Variants in ADAMTS3 observed in about 807,000 individuals in gnomAD.
ADAMTS3 encodes the protein ADAM metallopeptidase with thrombospondin type 1 motif 3, also known as A disintegrin and metalloproteinase with thrombospondin motifs 3.
In ADAMTS3, 73 loss-of-function variants were observed where a neutral mutation model predicts 129.0. That is an observed-to-expected ratio of 0.57 (90% confidence interval 0.47 to 0.69). The LOEUF is 0.69. Among genes scored for constraint, ADAMTS3 ranks in the 30% least tolerant of loss-of-function variants. The pLI is 0.00. For missense variants in ADAMTS3, 1,457 were observed against 1,514.5 expected (o/e 0.96, Z 0.63); for synonymous variants, 477 against 510.8 (o/e 0.93, Z 0.89).
rs113996972 is a variant in ADAMTS3, at chr4:72,321,710, C to T, written c.946-840G>A. ...GAATATGAATTCTTCCATGAGTTGA[C>T]AAGGCTGATGAAATCTTAGTCTATG... is the stretch of plus-strand genomic sequence containing the variant. On this transcript the variant is annotated intron_variant, in intron 6 of 21. Coordinates refer to ENST00000286657, the MANE Select transcript of ADAMTS3 (RefSeq NM_014243.3). 4.7e-3 allele frequency among the ~76,000 whole-genome samples: 721 copies of T among 152,090 alleles called. 4 individuals carry two copies. Among genetic ancestry groups the T allele is most frequent in the African/African-American group, 0.017 (686 of 41,486 alleles).
intron 4 of ADAMTS3, among the ~76,000 whole-genome samples, chr4:72,377,514 T>A (rs988954607): frequency 2.0e-5 from 3 of 152,186 alleles, no homozygotes; most frequent in African/African-American, 7.2e-5. Context: ...GAAAGGCCTA[T>A]CTAGACGGCT....
intron 3 of ADAMTS3, among the ~76,000 whole-genome samples, chr4:72,515,354 A>G (rs1237278228): frequency 1.3e-5 from 2 of 151,550 alleles, no homozygotes; most frequent in Non-Finnish European, 2.9e-5. Flanking sequence ...TATACCCAGT[A>G]ATGGGATGGC....
At chr4:72,492,991 T>C (rs1719785949) in intron 3 of ADAMTS3, among the ~76,000 whole-genome samples, 1 of 151,986 alleles carries the variant, frequency 6.6e-6, no homozygotes, top group South Asian at 2.1e-4. Flanking sequence ...TCTTTTCCTC[T>C]AGATAAGGTT....
intron 4 of ADAMTS3, among the ~76,000 whole-genome samples, chr4:72,404,703 G>C (rs1275806836): frequency 2.6e-5 from 4 of 151,720 alleles, no homozygotes; most frequent in Admixed American, 1.3e-4. Context: ...AAATTAACAG[G>C]GTGAAAAGGA....
rs567517278 is a variant in ADAMTS3, at chr4:72,546,916, T to C, written c.504+1562A>G. Among the ~76,000 whole-genome samples the C allele has an allele frequency of 1.1e-3, 161 of 152,064 alleles. 3 individuals are homozygous for C. Among genetic ancestry groups the C allele is most frequent in the African/African-American group, 3.8e-3 (157 of 41,468 alleles). ...GACTTTCATTTCAAAGGTGTAGAAG[T>C]AGGGAGGAAAAGCACATCAACACCC... On this transcript the variant is annotated intron_variant, in intron 3 of 21. Transcript: ENST00000286657.
intron 3 of ADAMTS3, among the ~76,000 whole-genome samples, chr4:72,485,385 A>G (rs1185069693): frequency 6.6e-6 from 1 of 152,168 alleles, no homozygotes; most frequent in Non-Finnish European, 1.5e-5. Context: ...GAAGTGATAT[A>G]AATTTTTAAA....
chr4:72,298,526 C>G, intron 17 of ADAMTS3, 84 bp from the exon 18 acceptor site: 1 of 1,104,042 alleles, frequency 9.1e-7, no homozygotes, highest in Non-Finnish European at 1.3e-6. Flanking sequence ...CAGAATATTG[C>G]TCTTATTAAA....
chr4:72,471,230 T>C (rs2109994052), intron 3 of ADAMTS3, among the ~76,000 whole-genome samples: 1 of 152,312 alleles, frequency 6.6e-6, no homozygotes, highest in African/African-American at 2.4e-5. Context: ...GTACTTGTTA[T>C]CTGCCACTGT....
chr4:72,509,145 T>C (rs932523954), intron 3 of ADAMTS3, among the ~76,000 whole-genome samples: 4 of 151,920 alleles, frequency 2.6e-5, no homozygotes, highest in African/African-American at 9.7e-5. Context: ...GGGAAATTTA[T>C]AGCTATAAGT....
chr4:72,518,245 C>G (rs1473320705), intron 3 of ADAMTS3, among the ~76,000 whole-genome samples: 1 of 152,016 alleles, frequency 6.6e-6, no homozygotes, highest in East Asian at 1.9e-4. Context: ...CTGAGGAGAC[C>G]TTTACTTCCA....
rs572811499 is a variant in ADAMTS3 at position 72,569,052 on chromosome 4, G to A, written c.-290C>T. ...GCGGGCACAGGCTAAGCCTGGGAGA[G>A]GGGGAAGGGACGAGGGGCTTTCCAA... On this transcript the variant is annotated 5_prime_UTR_variant, in exon 1 of 22. Coordinates refer to ENST00000286657, the MANE Select transcript of ADAMTS3 (RefSeq NM_014243.3). 3.5e-4 allele frequency: 169 copies of A among 484,928 alleles called. No individual in the cohort carries two copies. The highest frequency in any genetic ancestry group is 2.0e-3 in the African/African-American group (101 of 51,790). 30.0% of individuals were successfully genotyped at this position (484,928 alleles called of 1,614,324 possible).
chr4:72,531,370 C>T (rs375180609), intron 3 of ADAMTS3, among the ~76,000 whole-genome samples: 1 of 152,036 alleles, frequency 6.6e-6, no homozygotes, highest in African/African-American at 2.4e-5. Context: ...TTTAGACAGC[C>T]AAGTGGAGAT....
chr4:72,567,278 C>A, intron 2 of ADAMTS3, 96 bp downstream of exon 2: 2 of 1,186,996 alleles, frequency 1.7e-6, no homozygotes, highest in Non-Finnish European at 2.5e-6. Flanking sequence ...TTTTAACCAC[C>A]AGTGGGAAAC....
At chr4:72,336,140 C>A (rs969265993) in intron 5 of ADAMTS3, among the ~76,000 whole-genome samples, 10 of 152,182 alleles carry the variant, frequency 6.6e-5, no homozygotes, top group Non-Finnish European at 1.0e-4. Flanking sequence ...ATCTGCTGAG[C>A]AGTCAACCAA....
intron 3 of ADAMTS3, among the ~76,000 whole-genome samples, chr4:72,421,981 T>C (rs1722457542): frequency 6.6e-6 from 1 of 152,206 alleles, no homozygotes; most frequent in Non-Finnish European, 1.5e-5. Context: ...ACAGATGTTT[T>C]GAGAAACTCA....
At position 72,319,393 on chromosome 4, in the gene ADAMTS3, C is replaced by T; in HGVS notation, c.1291G>A (p.Ala431Thr). The change falls in exon 9 of 22, where the codon GCA becomes ACA. Residue 431 changes from alanine to threonine, a missense_variant. Coordinates refer to ENST00000286657, the MANE Select transcript of ADAMTS3 (RefSeq NM_014243.3). ...GACCAGTGGTAACGATGGAATGCTG[C>T]TTGTACCAAGGGAGCCATGACACTT... is the stretch of plus-strand genomic sequence containing the variant. ...MGSVMAPLVQ[A>T]AFHRYHWSRC... 4 of 1,613,982 alleles carry T rather than the reference C, an allele frequency of 2.5e-6. No individual in the cohort carries two copies. Among genetic ancestry groups the T allele is most frequent in the Non-Finnish European group, 3.4e-6 (4 of 1,179,946 alleles).
chr4:72,510,702 G>T (rs936207491), intron 3 of ADAMTS3, among the ~76,000 whole-genome samples: 1 of 150,998 alleles, frequency 6.6e-6, no homozygotes, highest in African/African-American at 2.4e-5. Context: ...CAATCTATAG[G>T]TTCAATGTAA....
intron 4 of ADAMTS3, among the ~76,000 whole-genome samples, chr4:72,369,367 C>T (rs1720947336): frequency 6.6e-6 from 1 of 151,890 alleles, no homozygotes; most frequent in African/African-American, 2.4e-5. Context: ...TTGCTGCCAA[C>T]TATGGTGGAA....
intron 3 of ADAMTS3, among the ~76,000 whole-genome samples, chr4:72,503,575 A>G (rs761042610): frequency 3.3e-5 from 5 of 152,138 alleles, no homozygotes; most frequent in Non-Finnish European, 4.4e-5. Flanking sequence ...TATACATTCT[A>G]TGGTTGATGG....
Sources: gnomAD v4.1 joint callset for allele counts (sites outside exome capture counted in the v4.1 genomes callset) on GRCh38, gnomAD v4.1.1 for gene constraint, MANE v1.5 for transcripts, NCBI Gene and HGNC (gene_info 2026-07-23, HGNC 2026-07-21) for gene names.